OR52N4: variants seen among roughly 807,000 people sequenced by gnomAD.
The protein encoded by OR52N4 is olfactory receptor 52N4.
OR52N4 carries 15 observed loss-of-function variants against 15.0 expected under a neutral mutation model. That is an observed-to-expected ratio of 1.00 (90% CI 0.67 to 1.54). The LOEUF (loss-of-function observed/expected upper bound fraction) is 1.54. OR52N4 is among the 40% of genes most tolerant of loss of function. The pLI is 0.00. For synonymous variants in OR52N4, 143 were observed against 143.7 expected (o/e 1.00, Z 0.03); for missense variants, 421 against 394.0 (o/e 1.07, Z -0.58).
upstream of OR52N4, among the ~76,000 whole-genome samples, chr11:5,749,417 A>G (rs1370769322): frequency 1.3e-5 from 2 of 151,974 alleles, no homozygotes; most frequent in Non-Finnish European, 2.9e-5. Flanking sequence ...TCCCAAATCA[A>G]GCATTAAAAT....
At chr11:5,753,988 CAAAAAAAAAAAAAAA>C (rs60504408), upstream of OR52N4, among the ~76,000 whole-genome samples, 20,698 of 82,074 alleles carry the variant, frequency 0.25, 1,770 homozygotes, top group East Asian at 0.37. Context: ...GACTCTGCCT[CAAAAAAAAAAAAAAA>C]AAAAAAAAAA....
At chr11:5,746,315 A>C in the OR52N4 span, among the ~76,000 whole-genome samples, 1 of 152,218 alleles carries the variant, frequency 6.6e-6, no homozygotes, top group Non-Finnish European at 1.5e-5. Flanking sequence ...TAATTAAACT[A>C]AAAAGCTTCT....
upstream of OR52N4, among the ~76,000 whole-genome samples, chr11:5,749,373 T>A (rs1341008147): frequency 6.6e-6 from 1 of 151,986 alleles, no homozygotes; most frequent in Non-Finnish European, 1.5e-5. Context: ...AGAAGCATTG[T>A]GTGAGGTTGA....
chr11:5,741,558 T>C, the OR52N4 span, among the ~76,000 whole-genome samples: 23 of 152,192 alleles, frequency 1.5e-4, no homozygotes, highest in Admixed American at 9.8e-4. Context: ...CAGAAAAGTA[T>C]GTTCTATGGA....
At chr11:5,747,949 T>C in the OR52N4 span, among the ~76,000 whole-genome samples, 1 of 152,058 alleles carries the variant, frequency 6.6e-6, no homozygotes, top group Non-Finnish European at 1.5e-5. Flanking sequence ...GGGACCCTAA[T>C]ACATAATAAA....
At chr11:5,743,608 A>G in the OR52N4 span, among the ~76,000 whole-genome samples, 1 of 152,216 alleles carries the variant, frequency 6.6e-6, no homozygotes, top group Non-Finnish European at 1.5e-5. Flanking sequence ...ATACTTGGAA[A>G]TCAAACAACC....
rs1185108579 is a variant in OR52N4, at chr11:5,755,306, T to G, written c.566T>G (p.Leu189Trp). 1 of 1,613,920 alleles carries G rather than the reference T, an allele frequency of 6.2e-7. No individual in the cohort carries two copies. The highest frequency in any genetic ancestry group is 1.3e-5 in the African/African-American group (1 of 74,904). ...TGTGACCACATGTCTGTAGCCAAAT[T>G]GTCCTGTGGTAATGTCAAGGTCAAT... Reference protein sequence around the residue: ...TYCDHMSVAKLSCGNVKVNAI... With the variant: ...TYCDHMSVAKWSCGNVKVNAI... Residue 189 changes from leucine to tryptophan, a missense_variant, in exon 2 of 2, where the codon TTG (leucine) becomes TGG (tryptophan). Transcript: ENST00000641350.
the OR52N4 span, among the ~76,000 whole-genome samples, chr11:5,734,615 TCACA>T: frequency 3.9e-5 from 6 of 152,112 alleles, no homozygotes; most frequent in Non-Finnish European, 8.8e-5. Flanking sequence ...CTTAATTGTA[TCACA>T]CATATACAAA....
the OR52N4 span, chr11:5,737,032 A>G: frequency 4.3e-6 from 7 of 1,614,046 alleles, no homozygotes; most frequent in South Asian, 3.3e-5. Flanking sequence ...CTGTGCTTGC[A>G]GCACAGCGTG....
chr11:5,736,643 C>T, the OR52N4 span: 21 of 1,613,886 alleles, frequency 1.3e-5, no homozygotes, highest in African/African-American at 2.0e-4. Context: ...CCTGGCACTA[C>T]TGTATCTCTC....
At chr11:5,737,091 G>A in the OR52N4 span, 1 of 1,614,032 alleles carries the variant, frequency 6.2e-7, no homozygotes. Context: ...TCTAACCTTG[G>A]GGTCACAAGC....
chr11:5,747,524 ATG>A, the OR52N4 span, among the ~76,000 whole-genome samples: 1 of 151,752 alleles, frequency 6.6e-6, no homozygotes, highest in Non-Finnish European at 1.5e-5. Flanking sequence ...GTGTATATAT[ATG>A]TATATATATA....
At chr11:5,751,693 T>C (rs1307245941), upstream of OR52N4, among the ~76,000 whole-genome samples, 1 of 152,174 alleles carries the variant, frequency 6.6e-6, no homozygotes, top group East Asian at 1.9e-4. Flanking sequence ...GAGTATCTAA[T>C]ATGAGAGATT....
the OR52N4 span, chr11:5,736,792 C>T: frequency 5.0e-6 from 8 of 1,614,044 alleles, no homozygotes; most frequent in Non-Finnish European, 6.8e-6. Context: ...AGATCCTGGC[C>T]ATCTTCTGGT....
At chr11:5,749,694 C>T (rs376277014), upstream of OR52N4, among the ~76,000 whole-genome samples, 14 of 151,954 alleles carry the variant, frequency 9.2e-5, no homozygotes, top group African/African-American at 3.1e-4. Context: ...AAAATCTAAT[C>T]CACACGGAGC....
At chr11:5,730,230 T>C in the OR52N4 span, among the ~76,000 whole-genome samples, 2 of 142,664 alleles carry the variant, frequency 1.4e-5, no homozygotes, top group East Asian at 4.1e-4. Flanking sequence ...CTCACTCTGG[T>C]GCCCAGGATG....
the OR52N4 span, among the ~76,000 whole-genome samples, chr11:5,744,404 A>G: frequency 6.6e-6 from 1 of 152,230 alleles, no homozygotes; most frequent in Non-Finnish European, 1.5e-5. Flanking sequence ...GACGCAACAA[A>G]AAAGAAAATT....
the OR52N4 span, among the ~76,000 whole-genome samples, chr11:5,746,002 A>G: frequency 6.6e-6 from 1 of 152,202 alleles, no homozygotes; most frequent in South Asian, 2.1e-4. Context: ...ATGAAGCCAC[A>G]TACTTATGAC....
At chr11:5,747,628 A>C in the OR52N4 span, among the ~76,000 whole-genome samples, 1 of 152,042 alleles carries the variant, frequency 6.6e-6, no homozygotes, top group Non-Finnish European at 1.5e-5. Context: ...AAACCTAATA[A>C]ATGAGGCATT....
Sources: gnomAD v4.1 joint callset for allele counts (sites outside exome capture counted in the v4.1 genomes callset) on GRCh38, gnomAD v4.1.1 for gene constraint, MANE v1.5 for transcripts, NCBI Gene and HGNC (gene_info 2026-07-23, HGNC 2026-07-21) for gene names.